SV2B: variants seen among roughly 807,000 people sequenced by gnomAD.
The protein encoded by SV2B is synaptic vesicle glycoprotein 2B.
In SV2B, 41 loss-of-function variants were observed where a neutral mutation model predicts 73.9. That is an observed-to-expected ratio of 0.56 (90% confidence interval 0.43 to 0.72). SV2B has a LOEUF of 0.72. SV2B is among the 30% of genes least tolerant of loss of function. SV2B has a pLI of 0.00. For missense variants in SV2B, 764 were observed against 857.8 expected, an observed-to-expected ratio of 0.89 and a Z score of 1.37; for synonymous variants, 314 against 314.2, an observed-to-expected ratio of 1.00 and a Z score of 0.01.
chr15:91,172,938 T>C (rs1018061302), intron 1 of SV2B, among the ~76,000 whole-genome samples: 1 of 145,258 alleles, frequency 6.9e-6, no homozygotes, highest in African/African-American at 2.5e-5. Flanking sequence ...GCATTTTTTT[T>C]TTCTGGTGGA....
At chr15:91,190,301 G>T in intron 1 of SV2B, among the ~76,000 whole-genome samples, 1 of 151,194 alleles carries the variant, frequency 6.6e-6, no homozygotes, top group Non-Finnish European at 1.5e-5. Flanking sequence ...TTCATCAATA[G>T]TGATCATTAT....
chr15:91,102,463 A>T (rs1488145486), intron 1 of SV2B: 1 of 152,220 alleles, frequency 6.6e-6, no homozygotes, highest in African/African-American at 2.4e-5. Flanking sequence ...ATCATCATAT[A>T]TAACTTGCCT....
At chr15:91,201,410 A>G (rs1348033927) in intron 1 of SV2B, among the ~76,000 whole-genome samples, 1 of 152,248 alleles carries the variant, frequency 6.6e-6, no homozygotes, top group African/African-American at 2.4e-5. Context: ...ACAGATGAGA[A>G]TGATGAAGCC....
In SV2B at chr15:91,124,559, ACTT is replaced by A. The variant is rs968892606; in HGVS notation, c.-392+24202_-392+24204del. 3.3e-5 allele frequency among the ~76,000 whole-genome samples: 5 copies of A among 152,220 alleles called. No individual in the cohort carries two copies. The highest frequency in any genetic ancestry group is 4.8e-5 in the African/African-American group (2 of 41,464). ...TCCACCATCCCCAAATGCCAAAAAT[ACTT>A]CTTCTCAAAAGAAGACTATTCATTT... On this transcript the variant is annotated intron_variant, in intron 1 of 12. Coordinates refer to ENST00000394232, the MANE Select transcript of SV2B (RefSeq NM_001323032.3). The surrounding 1 kb of genome is among the most constrained non-coding windows in gnomAD (Gnocchi z 4.6).
At chr15:91,215,857 G>C (rs1346122723) in intron 1 of SV2B, among the ~76,000 whole-genome samples, 1 of 151,970 alleles carries the variant, frequency 6.6e-6, no homozygotes, top group Non-Finnish European at 1.5e-5. Context: ...TTATTGTTCT[G>C]CATTTGTATT....
chr15:91,104,923 C>T (rs181718645), intron 1 of SV2B, among the ~76,000 whole-genome samples: 4 of 152,288 alleles, frequency 2.6e-5, no homozygotes, highest in Non-Finnish European at 4.4e-5. Flanking sequence ...TGAGCCACCG[C>T]GCCTGACTGG....
chr15:91,148,341 A>C (rs1009596972), intron 1 of SV2B, among the ~76,000 whole-genome samples: 1 of 152,132 alleles, frequency 6.6e-6, no homozygotes, highest in Non-Finnish European at 1.5e-5. Flanking sequence ...TGAGACTTTT[A>C]AAAATGTATC....
intron 1 of SV2B, among the ~76,000 whole-genome samples, chr15:91,178,728 C>T (rs911167299): frequency 2.0e-4 from 30 of 150,010 alleles, no homozygotes; most frequent in South Asian, 4.4e-4. Flanking sequence ...TCTGTGGGAT[C>T]GGTGGTGATA....
At position 91,220,376 on chromosome 15, in the gene SV2B, TG is replaced by T. The variant is rs1259030613; in HGVS notation, c.-391-5496del. 6.6e-6 allele frequency among the ~76,000 whole-genome samples: 1 copy of T among 152,226 alleles called. No individual in the cohort carries two copies. The highest frequency in any genetic ancestry group is 2.4e-5 in the African/African-American group (1 of 41,458). On this transcript the variant is annotated intron_variant, in intron 1 of 12. Coordinates refer to ENST00000394232, the MANE Select transcript of SV2B (RefSeq NM_001323032.3). The surrounding 1 kb of genome is among the most constrained non-coding windows in gnomAD (Gnocchi z 4.1). ...CTTCTCATAGCCTTTAATATAGCAA[TG>T]TGCATTGTGCATTTCTGAAAGAGAA... is the stretch of plus-strand genomic sequence containing the variant.
rs1241133607 is a variant in SV2B, at chr15:91,290,921, G to A, written c.1868+1241G>A. 6.6e-6 allele frequency among the ~76,000 whole-genome samples: 1 copy of A among 151,980 alleles called. No homozygotes were observed. The highest frequency in any genetic ancestry group is 1.5e-5 in the Non-Finnish European group (1 of 67,994). On this transcript the variant is annotated intron_variant, in intron 12 of 12. Coordinates refer to ENST00000394232, the MANE Select transcript of SV2B (RefSeq NM_001323032.3). This position sits in a 1 kb window ranked among gnomAD's most constrained non-coding sequence, Gnocchi z 4.7. ...CCTAGCTGCTCAGGAGGCTGAGGGG[G>A]AGAGCTGCGAGAGCCCCGGGGTTTC...
chr15:91,163,397 C>T (rs910353514), intron 1 of SV2B, among the ~76,000 whole-genome samples: 1 of 152,172 alleles, frequency 6.6e-6, no homozygotes, highest in Non-Finnish European at 1.5e-5. Context: ...AAAAGTGTTC[C>T]TATTTCTCCA....
chr15:91,230,069 G>A (rs370902803), intron 2 of SV2B, among the ~76,000 whole-genome samples: 44 of 152,026 alleles, frequency 2.9e-4, no homozygotes, highest in African/African-American at 9.6e-4. Context: ...GGTGAAACCC[G>A]TGTCTACAAA....
At chr15:91,210,366 A>G (rs1054458227) in intron 1 of SV2B, among the ~76,000 whole-genome samples, 1 of 151,944 alleles carries the variant, frequency 6.6e-6, no homozygotes, top group African/African-American at 2.4e-5. Context: ...AGTTCGGTCT[A>G]AGCTGCGGAG....
chr15:91,108,796 T>A (rs2041958766), intron 1 of SV2B, among the ~76,000 whole-genome samples: 1 of 152,206 alleles, frequency 6.6e-6, no homozygotes, highest in Admixed American at 6.5e-5. Context: ...TCCCTTGCTG[T>A]CCTGACCTTT....
In SV2B at chr15:91,256,866, G is replaced by A. The variant is rs1042918189; in HGVS notation, c.785-1555G>A. Among the ~76,000 whole-genome samples, 3 of 152,288 alleles carry A rather than the reference G, an allele frequency of 2.0e-5. No individual in the cohort carries two copies. The East Asian group carries it at 5.8e-4, about 29-fold the overall frequency. On this transcript the variant is annotated intron_variant, in intron 4 of 12. Transcript: ENST00000394232. Reference sequence around the variant, plus strand: ...AGATAATTGGTTAGGAGTCTGCTGCGAGTAGAACAAGTTGAACCACAACGG... The same window carrying A: ...AGATAATTGGTTAGGAGTCTGCTGCAAGTAGAACAAGTTGAACCACAACGG...
At position 91,280,985 on chromosome 15, in the gene SV2B, A is replaced by G. The variant is rs1258052785; in HGVS notation, c.1374-743A>G. 1.3e-5 allele frequency among the ~76,000 whole-genome samples: 2 copies of G among 152,240 alleles called. No individual in the cohort carries two copies. The highest frequency in any genetic ancestry group is 3.8e-4 in the East Asian group (2 of 5,204). ...AACAATATATCTTAAAGATTATTCC[A>G]TATTAACACATATAGATCTACCTCA... On this transcript the variant is annotated intron_variant, in intron 9 of 12. Transcript: ENST00000394232. This position sits in a 1 kb window ranked among gnomAD's most constrained non-coding sequence, Gnocchi z 5.8.
intron 1 of SV2B, among the ~76,000 whole-genome samples, chr15:91,188,338 G>C (rs558556644): frequency 6.6e-6 from 1 of 150,406 alleles, no homozygotes; most frequent in South Asian, 2.1e-4. Context: ...TTTTGAGACA[G>C]AGTCTTGCTC....
In SV2B at chr15:91,240,087, A is replaced by G. The variant is rs1226550904; in HGVS notation, c.452-11732A>G. ...CACGTTTAATACCTGAACAAAAGCC[A>G]GGGTTCCCTTAGCAAGGAAGAAGAG... On this transcript the variant is annotated intron_variant, in intron 2 of 12. Transcript: ENST00000394232. The surrounding 1 kb of genome is among the most constrained non-coding windows in gnomAD (Gnocchi z 4.6). Among the ~76,000 whole-genome samples, 1 of 152,226 alleles carries G rather than the reference A, an allele frequency of 6.6e-6. No individual in the cohort carries two copies. The highest frequency in any genetic ancestry group is 1.9e-4 in the East Asian group (1 of 5,200).
At chr15:91,126,570 G>A (rs1464992541) in intron 1 of SV2B, among the ~76,000 whole-genome samples, 1 of 152,118 alleles carries the variant, frequency 6.6e-6, no homozygotes, top group Non-Finnish European at 1.5e-5. Context: ...GAAAACTATA[G>A]ACAAATACCT....
Sources: gnomAD v4.1 joint callset for allele counts (sites outside exome capture counted in the v4.1 genomes callset) on GRCh38, gnomAD v4.1.1 for gene constraint, Gnocchi (gnomAD v3.1) non-coding constraint, MANE v1.5 for transcripts, NCBI Gene and HGNC (gene_info 2026-07-23, HGNC 2026-07-21) for gene names.